Variants in HOXC5 observed in about 807,000 individuals in gnomAD.
The protein encoded by HOXC5 is homeobox protein Hox-C5.
In HOXC5, 19 loss-of-function variants were observed where a neutral mutation model predicts 20.1. The ratio of observed to expected loss-of-function variants is 0.94; its 90% CI spans 0.66 to 1.38. HOXC5 has a LOEUF of 1.38. HOXC5 is among the 40% of genes most tolerant of loss of function. HOXC5 has a pLI of 0.00. For missense variants in HOXC5, 330 were observed against 300.1 expected, an observed-to-expected ratio of 1.10 and a Z score of -0.74; for synonymous variants, 124 against 117.0, an observed-to-expected ratio of 1.06 and a Z score of -0.39.
At chr12:54,028,376 C>A (rs1940823320), upstream of HOXC5, 3 of 818,734 alleles carry the variant, frequency 3.7e-6, no homozygotes, top group Non-Finnish European at 5.6e-6. Flanking sequence ...ATCTGGCTTG[C>A]GATTGGCTGG....
chr12:54,034,320 A>G lies in HOXC5; in HGVS notation c.497A>G (p.Gln166Arg), dbSNP rs1390033525. ...KRSRTSYTRY[Q>R]TLELEKEFHF... ...TCCCGAACCAGTTACACGCGCTACCAGACTCTGGAACTCGAGAAAGAATTC... is the reference window on the plus strand; with the variant it reads ...TCCCGAACCAGTTACACGCGCTACCGGACTCTGGAACTCGAGAAAGAATTC... The change falls in exon 2 of 2, where the codon CAG (glutamine) becomes CGG (arginine). Residue 166 changes from glutamine to arginine, a missense_variant. Transcript: ENST00000312492. 6.2e-7 allele frequency: 1 copy of G among 1,614,182 alleles called. No individual in the cohort carries two copies.
chr12:54,022,018 T>C, the HOXC5 span: 1 of 152,146 alleles, frequency 6.6e-6, no homozygotes, highest in Non-Finnish European at 1.5e-5. Flanking sequence ...GTCAGGGGAA[T>C]TATGGGGACA....
upstream of HOXC5, chr12:54,028,597 C>T: frequency 6.2e-7 from 1 of 1,614,088 alleles, no homozygotes; most frequent in Non-Finnish European, 8.5e-7. Flanking sequence ...CAACGTCGCC[C>T]TCAATTCCAC....
intron 1 of HOXC5, chr12:54,034,019 G>C (rs984620143): frequency 1.5e-5 from 10 of 677,498 alleles, no homozygotes; most frequent in Non-Finnish European, 2.8e-5. Flanking sequence ...GTCCGAGCCT[G>C]GGTCTCCCTC....
At chr12:54,033,002 A>G, upstream of HOXC5, 2 of 750,214 alleles carry the variant, frequency 2.7e-6, no homozygotes, top group Non-Finnish European at 4.3e-6. Context: ...TAGGATAAAG[A>G]AAGAGATATC....
chr12:54,021,319 G>T, the HOXC5 span: 3 of 152,270 alleles, frequency 2.0e-5, no homozygotes, highest in Admixed American at 2.0e-4. Flanking sequence ...AATCCTCGTC[G>T]CTATCTGAGC....
At chr12:54,027,167 G>T in the HOXC5 span, among the ~76,000 whole-genome samples, 1 of 152,188 alleles carries the variant, frequency 6.6e-6, no homozygotes, top group Non-Finnish European at 1.5e-5. Context: ...CTGCCTTTTC[G>T]TAACCGTCTC....
At chr12:54,032,955 G>A (rs1941042996), upstream of HOXC5, 2 of 608,362 alleles carry the variant, frequency 3.3e-6, no homozygotes, top group Middle Eastern at 8.9e-4. Flanking sequence ...CGAGTCACGT[G>A]ACTCTATTTA....
chr12:54,017,056 A>C, the HOXC5 span: 2 of 132,114 alleles, frequency 1.5e-5, no homozygotes, highest in African/African-American at 2.8e-5. Context: ...GCAGCTGGGG[A>C]GGGTGGGGAT....
intron 1 of HOXC5, 120 bp downstream of exon 1, chr12:54,033,696 G>T: frequency 1.2e-6 from 1 of 851,288 alleles, no homozygotes; most frequent in Non-Finnish European, 1.8e-6. Context: ...TCAATGGCTC[G>T]TAAAACTGTC....
upstream of HOXC5, among the ~76,000 whole-genome samples, chr12:54,032,273 C>G (rs147206160): frequency 7.2e-5 from 11 of 152,314 alleles, no homozygotes; most frequent in African/African-American, 2.6e-4. Context: ...CTGCAACACC[C>G]TCAGCTTCAT....
chr12:54,018,712 G>A, the HOXC5 span, among the ~76,000 whole-genome samples: 3 of 151,978 alleles, frequency 2.0e-5, no homozygotes, highest in Admixed American at 6.5e-5. Flanking sequence ...TTTATAAACG[G>A]CGACGCACAC....
chr12:54,022,220 T>A, the HOXC5 span: 1 of 151,832 alleles, frequency 6.6e-6, no homozygotes, highest in Non-Finnish European at 1.5e-5. Context: ...GAGACACAGG[T>A]TGTTGGGTTT....
chr12:54,020,999 A>G, the HOXC5 span: 5 of 152,252 alleles, frequency 3.3e-5, no homozygotes. Flanking sequence ...GTGGGGCTGC[A>G]AGCAGTTCGG....
Position 54,033,199 on chromosome 12 carries a change from A to G in HOXC5, c.77A>G (p.Asn26Ser). ...IPAYNMQTCG[N>S]YGSASEVQAS... The stretch of plus-strand genomic sequence containing the variant: ...GCCTATAACATGCAAACTTGTGGGA[A>G]CTATGGATCGGCCTCAGAGGTGCAG... Residue 26 changes from asparagine (N) to serine (S), a missense_variant, in exon 1 of 2, where the codon AAC becomes AGC. Asn to Ser is a conservative substitution (Grantham distance 46). Transcript: ENST00000312492. 1 of 1,614,192 alleles carries G rather than the reference A, an allele frequency of 6.2e-7. No individual in the cohort carries two copies. The highest frequency in any genetic ancestry group is 8.5e-7 in the Non-Finnish European group (1 of 1,180,026).
the HOXC5 span, among the ~76,000 whole-genome samples, chr12:54,019,512 A>G: frequency 1.3e-5 from 2 of 151,966 alleles, no homozygotes; most frequent in African/African-American, 2.4e-5. Context: ...TGAGGCCTCT[A>G]TTTCTCTCTT....
At chr12:54,025,883 T>G in the HOXC5 span, among the ~76,000 whole-genome samples, 1 of 151,982 alleles carries the variant, frequency 6.6e-6, no homozygotes, top group South Asian at 2.1e-4. Context: ...GCATCCTTGC[T>G]GGGGGCTGTA....
chr12:54,023,061 G>T, the HOXC5 span, among the ~76,000 whole-genome samples: 1 of 152,170 alleles, frequency 6.6e-6, no homozygotes, highest in Non-Finnish European at 1.5e-5. Flanking sequence ...CCCCTCAAGT[G>T]TCCCTAGGCA....
At chr12:54,026,881 A>C in the HOXC5 span, among the ~76,000 whole-genome samples, 3 of 152,060 alleles carry the variant, frequency 2.0e-5, no homozygotes, top group African/African-American at 7.2e-5. Flanking sequence ...TTTGTTACAC[A>C]GAAGGAAAAG....
Sources: gnomAD v4.1 joint callset for allele counts (sites outside exome capture counted in the v4.1 genomes callset) on GRCh38, gnomAD v4.1.1 for gene constraint, MANE v1.5 for transcripts, NCBI Gene and HGNC (gene_info 2026-07-23, HGNC 2026-07-21) for gene names.